Variants in TSPAN1 observed in about 807,000 individuals in gnomAD.
TSPAN1 encodes the protein tetraspanin-1.
TSPAN1 carries 23 observed loss-of-function variants against 26.9 expected under a neutral mutation model. The ratio of observed to expected loss-of-function variants is 0.85; its 90% confidence interval spans 0.62 to 1.21. TSPAN1 has a LOEUF of 1.21. Among genes scored for constraint, TSPAN1 ranks in the 50% most tolerant of loss-of-function variants. The pLI, the probability that TSPAN1 is intolerant of heterozygous loss-of-function variation, is 0.00. For synonymous variants in TSPAN1, 115 were observed against 114.8 expected, an observed-to-expected ratio of 1.00 and a Z score of -0.01; for missense variants, 283 against 298.4, an observed-to-expected ratio of 0.95 and a Z score of 0.38.
In TSPAN1 at chr1:46,177,351, A is replaced by ATC. The variant is rs75971409; in HGVS notation, c.-142+1943_-142+1944insCT. Among the ~76,000 whole-genome samples, 455 of 147,724 alleles carry ATC rather than the reference A, an allele frequency of 3.1e-3. 1 individual carries two copies. Among genetic ancestry groups the ATC allele is most frequent in the Non-Finnish European group, 4.7e-3 (316 of 67,112 alleles). ...ACTCTGTCTCAAAAAAAAAAAAAAT[A>ATC]TATCTATCTATCTATCTATCTATCT... is the stretch of plus-strand genomic sequence containing the variant. On this transcript the variant is annotated intron_variant, in intron 1 of 8. Coordinates refer to ENST00000372003, the MANE Select transcript of TSPAN1 (RefSeq NM_005727.4).
At chr1:46,195,086 T>G in the TSPAN1 span, 1 of 836,860 alleles carries the variant, frequency 1.2e-6, no homozygotes, top group South Asian at 1.4e-5. Context: ...AATAACCCTC[T>G]ATGGTTACTC....
At chr1:46,192,083 C>T in the TSPAN1 span, 6 of 1,611,978 alleles carry the variant, frequency 3.7e-6, no homozygotes, top group African/African-American at 8.0e-5. Context: ...GCCCTGCTCC[C>T]TGCCTCCCAC....
downstream of TSPAN1, chr1:46,186,049 G>C (rs1270789571): frequency 1.8e-5 from 3 of 163,570 alleles, no homozygotes; most frequent in Non-Finnish European, 2.7e-5. Flanking sequence ...GCCCTGGAAA[G>C]GAGGGAAGTA....
At chr1:46,195,402 A>G in the TSPAN1 span, 52 of 375,008 alleles carry the variant, frequency 1.4e-4, no homozygotes, top group African/African-American at 9.0e-4. Flanking sequence ...TTCTGCTCAC[A>G]TATCATCTCC....
chr1:46,177,713 C>T (rs888122163), intron 1 of TSPAN1, among the ~76,000 whole-genome samples: 5 of 152,182 alleles, frequency 3.3e-5, no homozygotes, highest in Admixed American at 6.5e-5. Context: ...GTGTGTTGGA[C>T]GGCTGAAATT....
rs370460447 is a variant in TSPAN1 at position 46,185,056 on chromosome 1, G to A, written c.535G>A (p.Val179Ile). ...AFPPFCCNDNVTNTANETCTK... is the reference protein window; with the variant it reads ...AFPPFCCNDNITNTANETCTK... Reference sequence around the variant, plus strand: ...TCCCCCATTCTGTTGCAATGACAACGTCACCAACACAGCCAATGAAACCTG... The same window carrying A: ...TCCCCCATTCTGTTGCAATGACAACATCACCAACACAGCCAATGAAACCTG... The change falls in exon 7 of 9, where the codon GTC becomes ATC. Residue 179 changes from valine (V) to isoleucine (I), a missense_variant. Transcript: ENST00000372003. 127 of 1,614,018 alleles carry A rather than the reference G, an allele frequency of 7.9e-5. No homozygotes were observed. Among genetic ancestry groups the A allele is most frequent in the Middle Eastern group, 1.6e-4 (1 of 6,084 alleles).
intron 1 of TSPAN1, among the ~76,000 whole-genome samples, chr1:46,180,034 G>C (rs1657279515): frequency 6.6e-6 from 1 of 150,834 alleles, no homozygotes. Flanking sequence ...ACGTACATCA[G>C]ATATTATTCT....
At chr1:46,192,239 C>A in the TSPAN1 span, 40 of 1,614,048 alleles carry the variant, frequency 2.5e-5, no homozygotes, top group Admixed American at 3.7e-4. Flanking sequence ...AGACATGGAC[C>A]ACGATGAAGG....
downstream of TSPAN1, chr1:46,189,871 A>G (rs1571647498): frequency 6.2e-7 from 1 of 1,613,948 alleles, no homozygotes; most frequent in East Asian, 2.2e-5. Context: ...AGCTGGGTCC[A>G]GGTGGTGAAG....
the TSPAN1 span, chr1:46,194,240 A>C: frequency 1.9e-6 from 3 of 1,614,118 alleles, no homozygotes; most frequent in South Asian, 3.3e-5. Flanking sequence ...GCTGGGAAGG[A>C]GTCCAAACCT....
At chr1:46,192,405 A>T in the TSPAN1 span, 1 of 1,614,186 alleles carries the variant, frequency 6.2e-7, no homozygotes, top group Non-Finnish European at 8.5e-7. Flanking sequence ...ACGGTACAGT[A>T]GTGCTGGGTC....
the TSPAN1 span, chr1:46,192,184 G>T: frequency 6.2e-7 from 1 of 1,614,200 alleles, no homozygotes; most frequent in Non-Finnish European, 8.5e-7. Flanking sequence ...CGGCCCCGGC[G>T]TTGTTCAGGC....
At chr1:46,185,442 T>A in intron 8 of TSPAN1, 44 bp from the exon 9 acceptor site, 3 of 1,612,830 alleles carry the variant, frequency 1.9e-6, no homozygotes, top group Non-Finnish European at 2.5e-6. Context: ...GGCTTCAGGA[T>A]CCCTATCATG....
the TSPAN1 span, chr1:46,195,020 A>G: frequency 6.7e-7 from 1 of 1,492,118 alleles, no homozygotes; most frequent in South Asian, 1.1e-5. Context: ...ACCTGGCCTC[A>G]CAGAGCACGA....
chr1:46,196,068 C>T, the TSPAN1 span: 3 of 1,613,926 alleles, frequency 1.9e-6, no homozygotes, highest in African/African-American at 4.0e-5. This position sits in a 1 kb window ranked among gnomAD's most constrained non-coding sequence, Gnocchi z 4.4. Flanking sequence ...CGGGCCTCAT[C>T]CTCCAGCACC....
downstream of TSPAN1, chr1:46,188,647 C>A (rs747674266): frequency 5.2e-6 from 8 of 1,546,544 alleles, no homozygotes; most frequent in East Asian, 6.8e-5. Context: ...CCCTCCAGCA[C>A]CCCCCTGACA....
chr1:46,185,719 C>T lies in TSPAN1; in HGVS notation c.*186C>T. ...CTCCTTTTAGGCGATGCCTGACTTT[C>T]CTTCCATTGGTGGGTGGATGGGTGG... On this transcript the variant is annotated 3_prime_UTR_variant, in exon 9 of 9. Coordinates refer to ENST00000372003, the MANE Select transcript of TSPAN1 (RefSeq NM_005727.4). 1.5e-6 allele frequency: 1 copy of T among 668,296 alleles called. No homozygotes were observed. Among genetic ancestry groups the T allele is most frequent in the Non-Finnish European group, 2.6e-6 (1 of 389,726 alleles). 41.4% of individuals were successfully genotyped at this position (668,296 alleles called of 1,614,324 possible). A position where few individuals can be genotyped will look rare whatever the true frequency, so the allele number is the denominator to read the frequency against.
At chr1:46,180,940 T>C (rs757791874) in intron 2 of TSPAN1, among the ~76,000 whole-genome samples, 160 bp from the exon 3 acceptor site, 1 of 151,798 alleles carries the variant, frequency 6.6e-6, no homozygotes, top group Non-Finnish European at 1.5e-5. Flanking sequence ...GGATAGAAAC[T>C]GGGAAAAGGT....
chr1:46,188,507 T>C (rs1247280736), downstream of TSPAN1, among the ~76,000 whole-genome samples: 1 of 152,042 alleles, frequency 6.6e-6, no homozygotes, highest in African/African-American at 2.4e-5. Context: ...TAGGGTAGAG[T>C]TGGGGAAAAA....
Sources: allele counts gnomAD v4.1 joint callset (sites outside exome capture counted in the v4.1 genomes callset), GRCh38; gene constraint gnomAD v4.1.1; non-coding constraint Gnocchi (gnomAD v3.1); transcripts MANE v1.5; gene names NCBI Gene and HGNC (gene_info 2026-07-23, HGNC 2026-07-21).